CES5A: variants seen among roughly 807,000 people sequenced by gnomAD.
The protein encoded by CES5A is carboxylesterase 5.
CES5A carries 67 observed loss-of-function variants against 62.9 expected under a neutral mutation model. The observed-to-expected ratio is 1.07, with a 90% CI of 0.88 to 1.31. The LOEUF is 1.31. Ranked by LOEUF, CES5A falls within the 50% of genes most tolerant of loss-of-function variation. CES5A has a pLI of 0.00. For synonymous variants in CES5A, 296 were observed against 280.8 expected, an observed-to-expected ratio of 1.05 and a Z score of -0.54; for missense variants, 748 against 708.5, an observed-to-expected ratio of 1.06 and a Z score of -0.63.
chr16:55,858,408 T>C lies in CES5A; in HGVS notation c.1056+1139A>G, dbSNP rs190531267. 4.4e-4 allele frequency among the ~76,000 whole-genome samples: 67 copies of C among 152,300 alleles called. No homozygotes were observed. The East Asian group carries it at 0.011, about 26-fold the overall frequency. On this transcript the variant is annotated intron_variant, in intron 8 of 12. Transcript: ENST00000290567. ...GCACTGGAAGGCACTGGGGAACTGG[T>C]TACAGTAGTTACAGTGGTGATTGTC...
intron 5 of CES5A, 91 bp downstream of exon 5, chr16:55,865,872 A>G (rs1346506857): frequency 1.8e-5 from 26 of 1,427,316 alleles, no homozygotes; most frequent in Non-Finnish European, 2.6e-5. Context: ...TTTGTTCAAC[A>G]TGAAGGCAAC....
At chr16:55,864,914 AAT>A (rs1261737916) in intron 5 of CES5A, among the ~76,000 whole-genome samples, 2 of 146,868 alleles carry the variant, frequency 1.4e-5, no homozygotes, top group African/African-American at 5.1e-5. Context: ...TCTCAAAAAA[AAT>A]ATTGCTGTCA....
At chr16:55,916,282 T>C (rs1454684380) in intron 1 of CES5A, among the ~76,000 whole-genome samples, 14 of 152,204 alleles carry the variant, frequency 9.2e-5, no homozygotes, top group African/African-American at 2.9e-4. Flanking sequence ...CCTGGAATAA[T>C]GACTGGTAAT....
intron 3 of CES5A, among the ~76,000 whole-genome samples, chr16:55,870,179 T>C (rs1365150924): frequency 1.3e-5 from 2 of 151,912 alleles, no homozygotes; most frequent in Non-Finnish European, 2.9e-5. Flanking sequence ...ATGGAAACCA[T>C]TGTAAGCCAT....
At chr16:55,893,383 A>T (rs911082763) in intron 1 of CES5A, among the ~76,000 whole-genome samples, 4 of 152,204 alleles carry the variant, frequency 2.6e-5, no homozygotes, top group East Asian at 1.9e-4. Flanking sequence ...AAGTAAGGTC[A>T]ATAGAATCAG....
At position 55,944,639 on chromosome 16, in the gene CES5A, C is replaced by A. The variant is rs879885551; in HGVS notation, c.160+5146G>T. ...TACTGCAGGCGACAATGCAAAAAAA[C>A]TTCCAGGCTCTTGCGCATTTCAACG... On this transcript the variant is annotated intron_variant, in intron 2 of 13. Transcript: ENST00000521992. 2.0e-5 allele frequency among the ~76,000 whole-genome samples: 3 copies of A among 152,214 alleles called. No homozygotes were observed. The East Asian group carries it at 5.8e-4, about 29-fold the overall frequency.
At chr16:55,864,005 C>G (rs2033406691) in intron 5 of CES5A, among the ~76,000 whole-genome samples, 1 of 152,132 alleles carries the variant, frequency 6.6e-6, no homozygotes, top group African/African-American at 2.4e-5. Flanking sequence ...CTCAGCCTCC[C>G]AAAGTGCTGG....
chr16:55,880,861 C>A (rs1438593714), intron 1 of CES5A, among the ~76,000 whole-genome samples: 1 of 152,194 alleles, frequency 6.6e-6, no homozygotes, highest in Non-Finnish European at 1.5e-5. Flanking sequence ...GGCCTCCTAG[C>A]AGCTTTTAAA....
rs200930153 is a variant in CES5A at position 55,871,785 on chromosome 16, A to G, written c.279-22T>C. 6 of 1,610,700 alleles carry G rather than the reference A, an allele frequency of 3.7e-6. No individual in the cohort carries two copies. In the East Asian group the frequency reaches 1.3e-4, roughly 36 times the overall value. On this transcript the variant is annotated intron_variant, in intron 2 of 12. Transcript: ENST00000290567. The stretch of plus-strand genomic sequence containing the variant: ...GCACCTTGGAGAAGGAGAGGAGAAA[A>G]CCCTCAGAAAAAGTTATCAGCAAAC...
chr16:55,933,716 C>T (rs2034337620), intron 2 of CES5A, among the ~76,000 whole-genome samples: 1 of 152,106 alleles, frequency 6.6e-6, no homozygotes. Flanking sequence ...ATTTTACCTC[C>T]ACTGCTACTA....
chr16:55,926,248 A>C (rs1236751653), upstream of CES5A, among the ~76,000 whole-genome samples: 3 of 152,202 alleles, frequency 2.0e-5, no homozygotes, highest in African/African-American at 7.2e-5. Context: ...ATGTACATCT[A>C]TTATGTATAA....
chr16:55,891,571 G>A (rs546366865), intron 1 of CES5A, among the ~76,000 whole-genome samples: 19 of 152,278 alleles, frequency 1.2e-4, no homozygotes, highest in African/African-American at 4.6e-4. Flanking sequence ...GGGGCTTCCA[G>A]GTCACAGGTA....
At chr16:55,873,786 C>T (rs780591191) in intron 2 of CES5A, 47 bp downstream of exon 2, 13 of 1,526,880 alleles carry the variant, frequency 8.5e-6, no homozygotes, top group Middle Eastern at 1.7e-4. Context: ...TGAATTCCTG[C>T]CACTCCCAGA....
At chr16:55,872,078 C>G (rs146312501) in intron 2 of CES5A, among the ~76,000 whole-genome samples, 2 of 152,134 alleles carry the variant, frequency 1.3e-5, no homozygotes, top group Non-Finnish European at 1.5e-5. Context: ...ACACACATAA[C>G]GACCCAAGCT....
chr16:55,935,524 C>A (rs138202337), intron 2 of CES5A, among the ~76,000 whole-genome samples: 1 of 152,136 alleles, frequency 6.6e-6, no homozygotes, highest in Admixed American at 6.5e-5. Context: ...CAAGTTGACA[C>A]GTAAAATTAA....
At chr16:55,921,360 A>C (rs1289874012) in intron 1 of CES5A, among the ~76,000 whole-genome samples, 1 of 152,178 alleles carries the variant, frequency 6.6e-6, no homozygotes, top group African/African-American at 2.4e-5. Flanking sequence ...TCCTAAAAAC[A>C]ACAAGAGAAA....
intron 5 of CES5A, among the ~76,000 whole-genome samples, chr16:55,864,838 G>T (rs2033423966): frequency 6.6e-6 from 1 of 151,998 alleles, no homozygotes; most frequent in East Asian, 1.9e-4. Flanking sequence ...ATGACCAGGA[G>T]TTTGGGCTGC....
intron 4 of CES5A, among the ~76,000 whole-genome samples, chr16:55,869,229 G>A (rs1483230355): frequency 6.6e-6 from 1 of 152,146 alleles, no homozygotes; most frequent in African/African-American, 2.4e-5. Context: ...CCTGCAGGCT[G>A]GGCCAGGAGA....
upstream of CES5A, among the ~76,000 whole-genome samples, chr16:55,878,613 C>A: frequency 7.2e-6 from 1 of 138,172 alleles, no homozygotes; most frequent in Non-Finnish European, 1.6e-5. Flanking sequence ...TGCACCCCAT[C>A]ACTGCACCCC....
Sources: gnomAD v4.1 joint callset for allele counts (sites outside exome capture counted in the v4.1 genomes callset) on GRCh38, gnomAD v4.1.1 for gene constraint, MANE v1.5 for transcripts, NCBI Gene and HGNC (gene_info 2026-07-23, HGNC 2026-07-21) for gene names.